Variants in CDH3 observed in about 807,000 individuals in gnomAD.
CDH3 encodes the protein cadherin 3, also known as cadherin-3.
A neutral mutation model predicts 82.0 loss-of-function variants in CDH3; 54 were observed. That is an observed-to-expected ratio of 0.66 (90% CI 0.53 to 0.83). The LOEUF (loss-of-function observed/expected upper bound fraction) is 0.83, where lower values mean the gene tolerates loss of function less well. Ranked by LOEUF, CDH3 falls within the 40% of genes least tolerant of loss-of-function variation. CDH3 has a pLI of 0.00. For missense variants in CDH3, 1,054 were observed against 1,084.6 expected, an observed-to-expected ratio of 0.97 and a Z score of 0.40; for synonymous variants, 446 against 437.9, an observed-to-expected ratio of 1.02 and a Z score of -0.23.
chr16:68,684,205 C>G (rs567034915), intron 9 of CDH3, among the ~76,000 whole-genome samples: 277 of 152,284 alleles, frequency 1.8e-3, no homozygotes, highest in Admixed American at 3.9e-3. Context: ...GCACTTGAGC[C>G]TGGGTGACAG....
intron 1 of CDH3, among the ~76,000 whole-genome samples, chr16:68,710,586 G>C (rs960865108): frequency 8.5e-5 from 13 of 152,232 alleles, no homozygotes; most frequent in Admixed American, 2.6e-4. Flanking sequence ...GGCTGGGCGC[G>C]GTGGCTCACG....
chr16:68,673,205 G>A (rs533564701), intron 2 of CDH3, among the ~76,000 whole-genome samples: 1 of 152,298 alleles, frequency 6.6e-6, no homozygotes, highest in African/African-American at 2.4e-5. Context: ...ATATCAATAT[G>A]TACTGCCAAA....
At chr16:68,708,545 T>C (rs142691602) in intron 1 of CDH3, among the ~76,000 whole-genome samples, 1,706 of 152,304 alleles carry the variant, frequency 0.011, 18 homozygotes, top group Non-Finnish European at 0.019. Flanking sequence ...ATGCCAGCCC[T>C]GAAGGGGACT....
intron 2 of CDH3, 156 bp downstream of exon 2, chr16:68,645,906 T>G (rs1597785516): frequency 1.6e-6 from 1 of 623,728 alleles, no homozygotes; most frequent in Non-Finnish European, 2.8e-6. Context: ...GGATTGGGGG[T>G]GGTGGCTGAC....
chr16:68,674,886 G>A (rs1418085862), intron 2 of CDH3, among the ~76,000 whole-genome samples: 3 of 152,144 alleles, frequency 2.0e-5, no homozygotes, highest in Non-Finnish European at 4.4e-5. Context: ...AGGCCGAGGC[G>A]GTCAGATCAC....
chr16:68,715,422 C>CA (rs71148937), intron 1 of CDH3, among the ~76,000 whole-genome samples: 31 of 141,832 alleles, frequency 2.2e-4, no homozygotes, highest in Admixed American at 5.1e-4. Context: ...GCACGACTCT[C>CA]AAAAAAAAAA....
intron 2 of CDH3, among the ~76,000 whole-genome samples, chr16:68,668,782 G>A (rs1440531605): frequency 6.6e-6 from 1 of 152,148 alleles, no homozygotes; most frequent in African/African-American, 2.4e-5. Context: ...AGAATTTTTC[G>A]ATGGTATACA....
downstream of CDH3, among the ~76,000 whole-genome samples, chr16:68,727,602 C>G (rs889046762): frequency 6.6e-6 from 1 of 151,930 alleles, no homozygotes; most frequent in Non-Finnish European, 1.5e-5. Flanking sequence ...ATAATGAGTC[C>G]TCATCTCTAA....
downstream of CDH3, among the ~76,000 whole-genome samples, chr16:68,704,796 T>G (rs1367641413): frequency 6.6e-6 from 1 of 152,226 alleles, no homozygotes; most frequent in Admixed American, 6.5e-5. Context: ...GGCTCACACC[T>G]GTAATCCCAG....
intron 9 of CDH3, among the ~76,000 whole-genome samples, chr16:68,683,706 G>GA (rs1211855143): frequency 1.5e-4 from 4 of 26,140 alleles, no homozygotes; most frequent in Non-Finnish European, 2.2e-4. Flanking sequence ...ACAACATGGA[G>GA]AAAAAAAAAA....
At position 68,645,393 on chromosome 16, in the gene CDH3, G is replaced by A. The variant is rs754912749; in HGVS notation, c.14G>A (p.Arg5His). Residue 5 changes from arginine (R) to histidine (H), a missense_variant, in exon 1 of 16, where the codon CGT becomes CAT. By Grantham distance (29) the Arg-to-His change is conservative. Transcript: ENST00000264012. MGLP[R>H]GPLASLLLLQ... ...CTCTCTGCAGCCATGGGGCTCCCTC[G>A]TGGACCTCTCGCGTCTCTCCTCCTT... The A allele has an allele frequency of 5.0e-6, 8 of 1,613,486 alleles. No homozygotes were observed. In the Admixed American group the frequency reaches 1.0e-4, roughly 20 times the overall value.
downstream of CDH3, among the ~76,000 whole-genome samples, chr16:68,704,029 G>GT (rs2152109143): frequency 6.6e-6 from 1 of 152,222 alleles, no homozygotes; most frequent in African/African-American, 2.4e-5. Context: ...GCTCACGCTT[G>GT]TAATCCCAGC....
chr16:68,705,106 T>A (rs79405872), downstream of CDH3, among the ~76,000 whole-genome samples: 740 of 152,122 alleles, frequency 4.9e-3, 8 homozygotes, highest in African/African-American at 0.017. Context: ...CCACATACGA[T>A]CAGGAAGCAG....
At chr16:68,713,487 C>T (rs1469129100) in intron 1 of CDH3, among the ~76,000 whole-genome samples, 1 of 151,808 alleles carries the variant, frequency 6.6e-6, no homozygotes, top group Non-Finnish European at 1.5e-5. Context: ...CCTCTCGGTG[C>T]CCACCTCCCC....
intron 12 of CDH3, 131 bp downstream of exon 12, chr16:68,687,867 C>T: frequency 1.4e-6 from 1 of 706,420 alleles, no homozygotes; most frequent in Non-Finnish European, 2.6e-6. Context: ...TCCTCTAGAA[C>T]CTCAATCAGA....
downstream of CDH3, among the ~76,000 whole-genome samples, chr16:68,727,906 C>T (rs1462590773): frequency 6.6e-6 from 1 of 152,028 alleles, no homozygotes; most frequent in Non-Finnish European, 1.5e-5. Flanking sequence ...AAAACTCCAT[C>T]TCCAAAAACA....
At chr16:68,677,001 G>T (rs185990738) in intron 3 of CDH3, among the ~76,000 whole-genome samples, 1 of 152,020 alleles carries the variant, frequency 6.6e-6, no homozygotes, top group African/African-American at 2.4e-5. Context: ...ACCCCTTCAC[G>T]CAGTTAACCA....
chr16:68,703,778 C>T (rs1361291025), downstream of CDH3, among the ~76,000 whole-genome samples: 1 of 151,826 alleles, frequency 6.6e-6, no homozygotes, highest in East Asian at 1.9e-4. Context: ...GAAACCCCAT[C>T]TCTACTAAAA....
intron 2 of CDH3, among the ~76,000 whole-genome samples, chr16:68,658,927 A>G (rs867594211): frequency 2.6e-5 from 4 of 152,086 alleles, no homozygotes; most frequent in Non-Finnish European, 4.4e-5. Flanking sequence ...ATACCATTTT[A>G]TATTGTTTAC....
Sources: gnomAD v4.1 joint callset for allele counts (sites outside exome capture counted in the v4.1 genomes callset) on GRCh38, gnomAD v4.1.1 for gene constraint, MANE v1.5 for transcripts, NCBI Gene and HGNC (gene_info 2026-07-23, HGNC 2026-07-21) for gene names.